NTM: variants seen among roughly 807,000 people sequenced by gnomAD.
NTM encodes the protein IgLON family member 2.
A neutral mutation model predicts 42.1 loss-of-function variants in NTM; 13 were observed. That is an observed-to-expected ratio of 0.31 (90% CI 0.20 to 0.49). The LOEUF (loss-of-function observed/expected upper bound fraction) is 0.49. Among genes scored for constraint, NTM ranks in the 20% least tolerant of loss-of-function variants. The probability of loss-of-function intolerance (pLI) is 0.99; values close to 1 mark genes in which losing one functional copy is unlikely to be tolerated. For synonymous variants in NTM, 187 were observed against 179.2 expected (o/e 1.04, Z -0.35); for missense variants, 373 against 452.8 (o/e 0.82, Z 1.60).
In NTM at chr11:131,933,687, A is replaced by T. The variant is rs142488217; in HGVS notation, c.167+22039A>T. On this transcript the variant is annotated intron_variant, in intron 2 of 8. Transcript: ENST00000683400. ...GAAAGACTCTATCTCAAAGCTTCTT[A>T]ACCTATACCCAAGCAGAATAAGGAG... is the stretch of plus-strand genomic sequence containing the variant. Among the ~76,000 whole-genome samples the T allele has an allele frequency of 4.6e-3, 706 of 152,056 alleles. 3 individuals are homozygous for T. The highest frequency in any genetic ancestry group is 0.016 in the African/African-American group (649 of 41,480).
rs545541883 is a variant in NTM at position 132,213,896 on chromosome 11, G to A, written c.526+1749G>A. ...ACTACAGGCGCCCGCCACTACGCCC[G>A]GCTAATTTTTTGTATTTTTAGTAGA... On this transcript the variant is annotated intron_variant, in intron 4 of 8. Transcript: ENST00000683400. 2.5e-3 allele frequency among the ~76,000 whole-genome samples: 292 copies of A among 116,674 alleles called. 40 individuals are homozygous for A. The East Asian group carries it at 0.027, about 11-fold the overall frequency. 76.5% of individuals were successfully genotyped at this position (116,674 alleles called of 152,430 possible). A position where few individuals can be genotyped will look rare whatever the true frequency, so the allele number is the denominator to read the frequency against.
rs73592241 is a variant in NTM at position 131,653,765 on chromosome 11, C to T, written c.83-257799C>T. ...AAGCACCCCCTCAGAGGGCTCCCCCCGCGGCCTCTTTTCTAGGCTGTCCTT... is the reference window on the plus strand; with the variant it reads ...AAGCACCCCCTCAGAGGGCTCCCCCTGCGGCCTCTTTTCTAGGCTGTCCTT... On this transcript the variant is annotated intron_variant, in intron 1 of 8. Coordinates refer to ENST00000683400, the MANE Select transcript of NTM (RefSeq NM_001352005.2). 8.4e-3 allele frequency among the ~76,000 whole-genome samples: 1,278 copies of T among 152,328 alleles called. 15 individuals carry two copies. Among genetic ancestry groups the T allele is most frequent in the African/African-American group, 0.027 (1,114 of 41,570 alleles).
chr11:131,465,694 C>A (rs1951816833), intron 1 of NTM, among the ~76,000 whole-genome samples: 1 of 152,230 alleles, frequency 6.6e-6, no homozygotes, highest in African/African-American at 2.4e-5. Flanking sequence ...ACAGTCTTTT[C>A]TTTTGTCAGA....
At chr11:132,330,679 T>G (rs923498277) in intron 8 of NTM, among the ~76,000 whole-genome samples, 5 of 152,156 alleles carry the variant, frequency 3.3e-5, no homozygotes, top group African/African-American at 1.2e-4. Flanking sequence ...GCATCTTATT[T>G]GAAGCTTTCA....
At chr11:131,679,122 G>A (rs1006324593) in intron 1 of NTM, among the ~76,000 whole-genome samples, 4 of 152,076 alleles carry the variant, frequency 2.6e-5, no homozygotes, top group African/African-American at 9.7e-5. Flanking sequence ...CTAGGCCACC[G>A]TCGTTTGCTC....
At chr11:131,821,253 C>T (rs180886520) in intron 1 of NTM, among the ~76,000 whole-genome samples, 1 of 152,218 alleles carries the variant, frequency 6.6e-6, no homozygotes, top group Admixed American at 6.5e-5. Flanking sequence ...GAACTCATTC[C>T]TGTTCCTACT....
At chr11:131,988,927 A>G (rs2066533449) in intron 2 of NTM, among the ~76,000 whole-genome samples, 1 of 152,192 alleles carries the variant, frequency 6.6e-6, no homozygotes, top group South Asian at 2.1e-4. Context: ...GGAATGGAAA[A>G]ACAGAGAAAG....
chr11:131,953,203 G>A (rs748563022), intron 2 of NTM, among the ~76,000 whole-genome samples: 11 of 152,086 alleles, frequency 7.2e-5, no homozygotes, highest in Non-Finnish European at 1.5e-4. Flanking sequence ...ACATTCATTG[G>A]TTTTACAATA....
At position 131,463,728 on chromosome 11, in the gene NTM, C is replaced by T. The variant is rs527825421; in HGVS notation, c.82+92840C>T. The stretch of plus-strand genomic sequence containing the variant: ...AATACTCTGCTTCCTGACGCTTCTT[C>T]ATTGCTGAAATAGTCCATGTGGAAT... On this transcript the variant is annotated intron_variant, in intron 1 of 8. Coordinates refer to ENST00000683400, the MANE Select transcript of NTM (RefSeq NM_001352005.2). 2.0e-5 allele frequency among the ~76,000 whole-genome samples: 3 copies of T among 152,322 alleles called. No individual in the cohort carries two copies. The South Asian group carries it at 6.2e-4, about 32-fold the overall frequency.
At chr11:131,454,671 C>T (rs1003817979) in intron 1 of NTM, among the ~76,000 whole-genome samples, 3 of 152,002 alleles carry the variant, frequency 2.0e-5, no homozygotes, top group Admixed American at 6.6e-5. Context: ...AAGTTGTCTT[C>T]ACAGGCAGTG....
At chr11:132,263,800 A>G (rs1001006432) in intron 4 of NTM, among the ~76,000 whole-genome samples, 4 of 152,212 alleles carry the variant, frequency 2.6e-5, no homozygotes, top group East Asian at 1.9e-4. Flanking sequence ...GCTCTTTGCA[A>G]TTTTACAACA....
At chr11:132,107,339 C>CTTTTTTTTTTTTT (rs780844735) in intron 2 of NTM, among the ~76,000 whole-genome samples, 2 of 88,866 alleles carry the variant, frequency 2.3e-5, no homozygotes, top group African/African-American at 1.0e-4. Flanking sequence ...AAGATTTATC[C>CTTTTTTTTTTTTT]TTTTTTTTTT....
Position 131,965,559 on chromosome 11 carries a change from T to C in NTM, c.167+53911T>C, listed in dbSNP as rs568346091. ...CATAATATTTAGACTAATTGTCAAA[T>C]GAAAGTCTCAGGTAGGAATTATTGT... On this transcript the variant is annotated intron_variant, in intron 2 of 8. Coordinates refer to ENST00000683400, the MANE Select transcript of NTM (RefSeq NM_001352005.2). Among the ~76,000 whole-genome samples, 13 of 152,336 alleles carry C rather than the reference T, an allele frequency of 8.5e-5. No individual in the cohort carries two copies. In the South Asian group the frequency reaches 2.7e-3, roughly 32 times the overall value.
At chr11:131,817,385 G>A (rs566971153) in intron 1 of NTM, among the ~76,000 whole-genome samples, 54 of 152,292 alleles carry the variant, frequency 3.5e-4, no homozygotes, top group African/African-American at 1.2e-3. Context: ...GAGATTTAGG[G>A]GGAGTGAGAA....
At chr11:132,032,433 G>A (rs34533797) in intron 2 of NTM, among the ~76,000 whole-genome samples, 11,577 of 152,146 alleles carry the variant, frequency 0.076, 483 homozygotes, top group South Asian at 0.17. Context: ...TCTGACCCTG[G>A]CCCCTCCCTT....
chr11:131,392,688 C>A (rs569567275), intron 1 of NTM, among the ~76,000 whole-genome samples: 9 of 152,188 alleles, frequency 5.9e-5, no homozygotes, highest in Admixed American at 5.2e-4. Flanking sequence ...CCAGTCTGGA[C>A]GCCTGTTGCC....
chr11:131,554,857 G>T (rs1243858602), intron 1 of NTM, among the ~76,000 whole-genome samples: 1 of 152,132 alleles, frequency 6.6e-6, no homozygotes, highest in Non-Finnish European at 1.5e-5. Context: ...TCCCAGCTCT[G>T]CTCCTGAGTG....
chr11:131,439,220 G>A (rs1247695756), intron 1 of NTM, among the ~76,000 whole-genome samples: 3 of 152,100 alleles, frequency 2.0e-5, no homozygotes, highest in Non-Finnish European at 2.9e-5. Flanking sequence ...GTGTCAGTCG[G>A]CCCCTACTGG....
intron 2 of NTM, among the ~76,000 whole-genome samples, chr11:131,956,981 C>G (rs115387904): frequency 6.6e-6 from 1 of 152,186 alleles, no homozygotes; most frequent in South Asian, 2.1e-4. Flanking sequence ...TTTGTGCTGT[C>G]TACATTGTGT....
Sources: gnomAD v4.1 joint callset for allele counts (sites outside exome capture counted in the v4.1 genomes callset) on GRCh38, gnomAD v4.1.1 for gene constraint, MANE v1.5 for transcripts, NCBI Gene and HGNC (gene_info 2026-07-23, HGNC 2026-07-21) for gene names.